Variants in NBEA observed in about 807,000 individuals in gnomAD.
The protein encoded by NBEA is neurobeachin, also known as lysosomal-trafficking regulator 2.
Under a neutral mutation model 343.4 loss-of-function variants are expected in NBEA, and 44 were observed. The observed-to-expected ratio is 0.13, with a 90% confidence interval of 0.10 to 0.16. The LOEUF is 0.16. NBEA is among the 10% of genes least tolerant of loss of function. NBEA has a pLI of 1.00. For missense variants in NBEA, 2,555 were observed against 3,631.3 expected (o/e 0.70, Z 7.62); for synonymous variants, 1,175 against 1,238.7 (o/e 0.95, Z 1.08).
chr13:35,322,845 A>G (rs917234485), intron 36 of NBEA, among the ~76,000 whole-genome samples: 1 of 152,098 alleles, frequency 6.6e-6, no homozygotes, highest in Non-Finnish European at 1.5e-5. Context: ...CATAAATTGT[A>G]TTTGAATTAT....
chr13:35,544,855 A>C (rs1401653386), intron 41 of NBEA, among the ~76,000 whole-genome samples: 1 of 152,168 alleles, frequency 6.6e-6, no homozygotes, highest in Non-Finnish European at 1.5e-5. Flanking sequence ...ATCAAAAATT[A>C]TGTTTATTCA....
chr13:35,580,225 A>G (rs1463967212), intron 45 of NBEA, among the ~76,000 whole-genome samples: 1 of 152,174 alleles, frequency 6.6e-6, no homozygotes, highest in Non-Finnish European at 1.5e-5. Context: ...ATAAATCTAA[A>G]AACAGGCTTT....
chr13:35,527,709 C>G (rs1405188898), intron 41 of NBEA, among the ~76,000 whole-genome samples: 1 of 152,184 alleles, frequency 6.6e-6, no homozygotes, highest in Non-Finnish European at 1.5e-5. Flanking sequence ...CACTTCTGAG[C>G]CTGCGGGAGC....
At chr13:34,987,887 C>T (rs1257983075) in intron 1 of NBEA, among the ~76,000 whole-genome samples, 1 of 150,892 alleles carries the variant, frequency 6.6e-6, no homozygotes, top group Admixed American at 6.6e-5. Flanking sequence ...TCTAGTTAGC[C>T]ATTCATCTAA....
intron 1 of NBEA, among the ~76,000 whole-genome samples, chr13:35,034,518 C>T (rs1008971555): frequency 2.6e-5 from 4 of 151,312 alleles, no homozygotes; most frequent in Non-Finnish European, 4.4e-5. Flanking sequence ...TTTTGGTATC[C>T]GGGTAATACG....
Position 35,583,873 on chromosome 13 carries a change from C to A in NBEA, c.7036-25C>A, listed in dbSNP as rs772777043. 4.4e-6 allele frequency: 7 copies of A among 1,581,630 alleles called. No individual in the cohort carries two copies. The East Asian group carries it at 1.3e-4, about 30-fold the overall frequency. Reference sequence around the variant, plus strand: ...GGATATCTAATATGACTGTATTAAACAAAATATTTTTTTTCTTTTAATAGC... The same window carrying A: ...GGATATCTAATATGACTGTATTAAAAAAAATATTTTTTTTCTTTTAATAGC... On this transcript the variant is annotated intron_variant, in intron 45 of 58. Coordinates refer to ENST00000379939, the MANE Select transcript of NBEA (RefSeq NM_001385012.1).
chr13:35,428,276 C>A (rs930188912), intron 38 of NBEA, among the ~76,000 whole-genome samples: 7 of 152,092 alleles, frequency 4.6e-5, no homozygotes, highest in African/African-American at 1.7e-4. Flanking sequence ...ATCTTGGCTC[C>A]TCCCCCACCC....
chr13:35,163,039 C>T (rs561150014), intron 23 of NBEA, among the ~76,000 whole-genome samples: 1 of 152,080 alleles, frequency 6.6e-6, no homozygotes, highest in Non-Finnish European at 1.5e-5. Context: ...AACATGAAGA[C>T]CAATGTATGG....
At chr13:35,088,130 T>C (rs1220734742) in intron 10 of NBEA, among the ~76,000 whole-genome samples, 1 of 151,894 alleles carries the variant, frequency 6.6e-6, no homozygotes, top group African/African-American at 2.4e-5. Context: ...TCCTCCATTA[T>C]TATTGCAGCC....
chr13:35,019,147 A>C (rs992099354), intron 1 of NBEA, among the ~76,000 whole-genome samples: 1 of 151,598 alleles, frequency 6.6e-6, no homozygotes, highest in Non-Finnish European at 1.5e-5. Context: ...TGCTGGATTT[A>C]ATTTGGTATA....
At chr13:35,285,999 A>G (rs1173936453) in intron 34 of NBEA, among the ~76,000 whole-genome samples, 1 of 151,938 alleles carries the variant, frequency 6.6e-6, no homozygotes, top group African/African-American at 2.4e-5. Flanking sequence ...CTTTCTTTCT[A>G]CTTTTTGCTT....
intron 38 of NBEA, among the ~76,000 whole-genome samples, chr13:35,430,213 T>G (rs2152929736): frequency 6.6e-6 from 1 of 152,304 alleles, no homozygotes; most frequent in South Asian, 2.1e-4. Flanking sequence ...TGATAATTAA[T>G]GATATTGAGC....
intron 8 of NBEA, among the ~76,000 whole-genome samples, chr13:35,064,232 A>G (rs1423512139): frequency 1.3e-5 from 2 of 151,970 alleles, no homozygotes; most frequent in Admixed American, 6.6e-5. Context: ...AAGATAACTG[A>G]GAAATGAGTC....
chr13:35,324,998 T>C (rs1203291368), intron 36 of NBEA, among the ~76,000 whole-genome samples: 2 of 152,160 alleles, frequency 1.3e-5, no homozygotes, highest in African/African-American at 2.4e-5. Context: ...TTGGAAAAGA[T>C]AAAATCTGTC....
intron 1 of NBEA, among the ~76,000 whole-genome samples, chr13:34,983,292 C>G (rs557977310): frequency 6.6e-6 from 1 of 152,090 alleles, no homozygotes; most frequent in African/African-American, 2.4e-5. Context: ...TCTGTCCTTG[C>G]GATAGTTTGC....
At chr13:35,648,382 A>G (rs936800082) in intron 51 of NBEA, among the ~76,000 whole-genome samples, 6 of 151,826 alleles carry the variant, frequency 4.0e-5, no homozygotes, top group Admixed American at 3.3e-4. Flanking sequence ...GTGGCCTCGG[A>G]GCCTCACCGT....
At chr13:35,579,332 G>T (rs886484989) in intron 45 of NBEA, among the ~76,000 whole-genome samples, 14 of 151,982 alleles carry the variant, frequency 9.2e-5, no homozygotes, top group African/African-American at 2.9e-4. Flanking sequence ...TTCTCTAAAA[G>T]TTCTTCTGAT....
intron 41 of NBEA, among the ~76,000 whole-genome samples, chr13:35,547,592 C>G (rs1469458695): frequency 1.3e-5 from 2 of 152,020 alleles, no homozygotes; most frequent in Non-Finnish European, 2.9e-5. Flanking sequence ...ATAAAGATAA[C>G]TCTAAAGAAT....
intron 10 of NBEA, among the ~76,000 whole-genome samples, chr13:35,087,982 A>G (rs895115680): frequency 1.3e-5 from 2 of 151,886 alleles, no homozygotes; most frequent in African/African-American, 4.8e-5. Flanking sequence ...CACCAATAGT[A>G]ATGTAACACA....
Sources: gnomAD v4.1 joint callset for allele counts (sites outside exome capture counted in the v4.1 genomes callset) on GRCh38, gnomAD v4.1.1 for gene constraint, MANE v1.5 for transcripts, NCBI Gene and HGNC (gene_info 2026-07-23, HGNC 2026-07-21) for gene names.